Variants in ZNF174 observed in about 807,000 individuals in gnomAD.
The protein encoded by ZNF174 is AW-1.
In ZNF174, 30 loss-of-function variants were observed where a neutral mutation model predicts 38.7. The observed-to-expected ratio is 0.78, with a 90% CI of 0.58 to 1.05. The LOEUF (loss-of-function observed/expected upper bound fraction) is 1.05. ZNF174 is among the 50% of genes least tolerant of loss of function. The probability of loss-of-function intolerance (pLI) is 0.00; values close to 1 mark genes in which losing one functional copy is unlikely to be tolerated. For missense variants in ZNF174, 499 were observed against 495.6 expected (o/e 1.01, Z -0.06); for synonymous variants, 201 against 181.7 (o/e 1.11, Z -0.86).
intron 2 of ZNF174, among the ~76,000 whole-genome samples, chr16:3,407,030 C>A (rs763205016): frequency 3.3e-5 from 5 of 152,306 alleles, no homozygotes; most frequent in South Asian, 4.1e-4. Flanking sequence ...CAGGCTCTTA[C>A]AACAAATTGC....
At chr16:3,403,644 G>A (rs1401753641) in intron 1 of ZNF174, among the ~76,000 whole-genome samples, 1 of 151,922 alleles carries the variant, frequency 6.6e-6, no homozygotes, top group Non-Finnish European at 1.5e-5. Context: ...GCCACCATGC[G>A]TGGCTAATTT....
intron 2 of ZNF174, among the ~76,000 whole-genome samples, chr16:3,406,086 A>G (rs1008769037): frequency 6.6e-5 from 10 of 152,204 alleles, no homozygotes; most frequent in African/African-American, 2.4e-4. Context: ...GCATGTTTTC[A>G]AGTTTTATCC....
rs1319154349 is a variant in ZNF174 at position 3,401,939 on chromosome 16, C to T, written c.-66C>T. On this transcript the variant is annotated 5_prime_UTR_variant, in exon 1 of 3. Transcript: ENST00000268655. The stretch of plus-strand genomic sequence containing the variant: ...GAATCTTTCTAGTATTCAGAGACTT[C>T]TCCAGGGTCATGATCCCAAAGGCTT... 1.5e-5 allele frequency: 24 copies of T among 1,563,198 alleles called. No individual in the cohort carries two copies. Among genetic ancestry groups the T allele is most frequent in the Non-Finnish European group, 2.1e-5 (24 of 1,159,272 alleles).
chr16:3,402,157 C>G lies in ZNF174; in HGVS notation c.153C>G (p.Arg51=). The change falls in exon 1 of 3, where the codon CGC becomes CGG. Residue 51 remains arginine (R), a synonymous_variant. Coordinates refer to ENST00000268655, the MANE Select transcript of ZNF174 (RefSeq NM_003450.3). The part of the protein sequence containing the change: ...DPELCRQSFR[R]FCYQEVSGPQ... ...AGCTCTGCCGCCAGAGCTTCAGACG[C>G]TTTTGTTATCAAGAGGTGTCTGGAC... The G allele has an allele frequency of 6.2e-7, 1 of 1,613,148 alleles. No homozygotes were observed. The highest frequency in any genetic ancestry group is 8.5e-7 in the Non-Finnish European group (1 of 1,179,164).
Position 3,402,404 on chromosome 16 carries a change from T to G in ZNF174, c.400T>G (p.Trp134Gly). 6.2e-7 allele frequency: 1 copy of G among 1,611,804 alleles called. No individual in the cohort carries two copies. The highest frequency in any genetic ancestry group is 1.1e-5 in the South Asian group (1 of 90,834). The change falls in exon 1 of 3, where the codon TGG becomes GGG. Residue 134 changes from tryptophan to glycine, a missense_variant and splice_region_variant. By Grantham distance (184) the Trp-to-Gly change is radical. Transcript: ENST00000268655. ...FHRASKKPKQWVAVCMQGQKV... is the reference protein window; with the variant it reads ...FHRASKKPKQGVAVCMQGQKV... ...CAGAGCATCCAAGAAACCAAAGCAG[T>G]GGGTAAGGAGGGTCCTCTCCCATCA...
At chr16:3,403,018 AC>A (rs2033982417) in intron 1 of ZNF174, among the ~76,000 whole-genome samples, 1 of 151,668 alleles carries the variant, frequency 6.6e-6, no homozygotes, top group South Asian at 2.1e-4. Flanking sequence ...CTCTTCCCCC[AC>A]CCAACTTAGT....
chr16:3,405,275 T>G (rs2034039218), intron 2 of ZNF174, among the ~76,000 whole-genome samples: 1 of 152,236 alleles, frequency 6.6e-6, no homozygotes, highest in Non-Finnish European at 1.5e-5. Flanking sequence ...TCTTAATATT[T>G]GCTACATCCA....
Position 3,402,233 on chromosome 16 carries a change from C to A in ZNF174, c.229C>A (p.Pro77Thr). 6.2e-7 allele frequency: 1 copy of A among 1,614,160 alleles called. No individual in the cohort carries two copies. The highest frequency in any genetic ancestry group is 8.5e-7 in the Non-Finnish European group (1 of 1,180,032). Residue 77 changes from proline to threonine, a missense_variant, in exon 1 of 3, where the codon CCC (proline) becomes ACC (threonine). Physicochemically the swap from Pro to Thr is conservative, Grantham distance 38. Coordinates refer to ENST00000268655, the MANE Select transcript of ZNF174 (RefSeq NM_003450.3). ...LRQLCRQWLQ[P>T]ELHTKEQILE... ...ACAGCTCTGCCGTCAGTGGTTGCAA[C>A]CCGAGCTGCACACCAAGGAGCAGAT...
chr16:3,402,187 A>G lies in ZNF174; in HGVS notation c.183A>G (p.Gln61=), dbSNP rs767342479. The G allele has an allele frequency of 4.3e-6, 7 of 1,612,694 alleles. No homozygotes were observed. The highest frequency in any genetic ancestry group is 1.6e-4 in the Middle Eastern group (1 of 6,080). ...GTTATCAAGAGGTGTCTGGACCCCA[A>G]GAGGCTCTCTCCCAGCTCCGACAGC... ...RFCYQEVSGP[Q]EALSQLRQLC... is the part of the protein sequence containing the mutation. The change falls in exon 1 of 3, where the codon CAA becomes CAG. Residue 61 remains glutamine (Q), a synonymous_variant. Transcript: ENST00000268655.
At chr16:3,405,174 A>G in intron 2 of ZNF174, 7 of 1,221,196 alleles carry the variant, frequency 5.7e-6, no homozygotes, top group Non-Finnish European at 7.6e-6. Flanking sequence ...CCTGAATGAC[A>G]GTGACATTTT....
At chr16:3,407,855 T>C (rs2034076346) in intron 2 of ZNF174, among the ~76,000 whole-genome samples, 1 of 152,232 alleles carries the variant, frequency 6.6e-6, no homozygotes, top group African/African-American at 2.4e-5. Context: ...AGAAGGTGGT[T>C]GTCAATTAGT....
intron 1 of ZNF174, 53 bp from the exon 2 acceptor site, chr16:3,404,373 C>G (rs548152593): frequency 2.0e-6 from 3 of 1,509,516 alleles, no homozygotes; most frequent in Admixed American, 2.1e-5. Context: ...AGTGAGAGAT[C>G]AAGCTTCCCT....
chr16:3,409,073 A>C lies in ZNF174; in HGVS notation c.*154A>C, dbSNP rs532323899. 1.1e-3 allele frequency: 966 copies of C among 858,620 alleles called. 16 individuals carry two copies. The South Asian group carries it at 0.016, about 14-fold the overall frequency. The allele number at this position is 858,620 out of a possible 1,614,324, so 53.2% of individuals were successfully genotyped here. ...ACATTCTGCTGTGAGGAGGCCCAGAAAAGGCCAACCAGGGCCCAACCGTGC... is the reference window on the plus strand; with the variant it reads ...ACATTCTGCTGTGAGGAGGCCCAGACAAGGCCAACCAGGGCCCAACCGTGC... On this transcript the variant is annotated 3_prime_UTR_variant, in exon 3 of 3. Coordinates refer to ENST00000268655, the MANE Select transcript of ZNF174 (RefSeq NM_003450.3).
At chr16:3,405,718 T>C (rs2034045783) in intron 2 of ZNF174, among the ~76,000 whole-genome samples, 1 of 152,220 alleles carries the variant, frequency 6.6e-6, no homozygotes, top group Admixed American at 6.6e-5. Context: ...ACAAATGGAA[T>C]CACACAGGCC....
At chr16:3,404,916 T>A in intron 2 of ZNF174, 2 of 1,613,994 alleles carry the variant, frequency 1.2e-6, no homozygotes, top group Non-Finnish European at 1.7e-6. Context: ...CAGAACTTCT[T>A]ATAGAAAAGA....
intron 1 of ZNF174, among the ~76,000 whole-genome samples, chr16:3,403,358 A>G (rs184038332): frequency 1.4e-3 from 215 of 151,162 alleles, no homozygotes; most frequent in African/African-American, 4.5e-3. Context: ...TTTAGTAGAG[A>G]GGGGGTTTCA....
intron 2 of ZNF174, among the ~76,000 whole-genome samples, chr16:3,407,870 A>C (rs1385232650): frequency 6.6e-6 from 1 of 152,244 alleles, no homozygotes; most frequent in East Asian, 1.9e-4. Flanking sequence ...ATTAGTGTTT[A>C]CTAAGTGAGG....
intron 2 of ZNF174, chr16:3,404,883 T>G: frequency 6.2e-7 from 1 of 1,612,304 alleles, no homozygotes; most frequent in Admixed American, 1.7e-5. Context: ...ATGACAGGGT[T>G]GTACCTACTT....
At chr16:3,405,856 A>C (rs892159357) in intron 2 of ZNF174, among the ~76,000 whole-genome samples, 7 of 152,100 alleles carry the variant, frequency 4.6e-5, no homozygotes, top group African/African-American at 1.4e-4. Context: ...AAAATGCAAA[A>C]ATTAGCGGGG....
Sources: allele counts gnomAD v4.1 joint callset (sites outside exome capture counted in the v4.1 genomes callset), GRCh38; gene constraint gnomAD v4.1.1; transcripts MANE v1.5; gene names NCBI Gene and HGNC (gene_info 2026-07-23, HGNC 2026-07-21).